The following CUL5 variants were observed in gnomAD, a reference collection of about 807,000 sequenced individuals.
CUL5 encodes the protein cullin 5, also known as cullin-5.
In CUL5, 26 loss-of-function variants were observed where a neutral mutation model predicts 108.8. That is an observed-to-expected ratio of 0.24 (90% CI 0.18 to 0.33). The LOEUF is 0.33. Ranked by LOEUF, CUL5 falls within the 10% of genes least tolerant of loss-of-function variation. The pLI is 1.00. For missense variants in CUL5, 524 were observed against 909.2 expected (o/e 0.58, Z 5.45); for synonymous variants, 334 against 298.0 (o/e 1.12, Z -1.25).
At position 108,105,208 on chromosome 11, in the gene CUL5, TTAAG is replaced by T. The variant is rs1864764349; in HGVS notation, c.*826_*829del. 1 of 152,160 alleles carries T rather than the reference TTAAG, an allele frequency of 6.6e-6. No homozygotes were observed. Among genetic ancestry groups the T allele is most frequent in the African/African-American group, 2.4e-5 (1 of 41,454 alleles). 9.4% of individuals were successfully genotyped at this position (152,160 alleles called of 1,614,324 possible). A position where few individuals can be genotyped will look rare whatever the true frequency, so the allele number is the denominator to read the frequency against. ...GAGCCAAAATAGCAAAACAAACATATTAAGTGTGTTTACTAAACATATTGTGTGT... is the reference window on the plus strand; with the variant it reads ...GAGCCAAAATAGCAAAACAAACATATTGTGTTTACTAAACATATTGTGTGT... On this transcript the variant is annotated 3_prime_UTR_variant, in exon 19 of 19. Transcript: ENST00000393094.
At chr11:108,050,235 T>C (rs936521968) in intron 4 of CUL5, among the ~76,000 whole-genome samples, 169 bp downstream of exon 4, 1 of 152,206 alleles carries the variant, frequency 6.6e-6, no homozygotes, top group African/African-American at 2.4e-5. Flanking sequence ...GTCTTTAGCT[T>C]CAATCTTCTT....
At chr11:108,061,786 A>G (rs1429479070) in intron 7 of CUL5, among the ~76,000 whole-genome samples, 1 of 152,160 alleles carries the variant, frequency 6.6e-6, no homozygotes, top group Non-Finnish European at 1.5e-5. Flanking sequence ...TAATTTGTAA[A>G]GGAAAGAGGT....
rs545289084 is a variant in CUL5 at position 108,061,093 on chromosome 11, C to G, written c.780+6138C>G. 5.9e-5 allele frequency among the ~76,000 whole-genome samples: 9 copies of G among 152,272 alleles called. No homozygotes were observed. In the South Asian group the frequency reaches 1.9e-3, roughly 32 times the overall value. On this transcript the variant is annotated intron_variant, in intron 7 of 18. Coordinates refer to ENST00000393094, the MANE Select transcript of CUL5 (RefSeq NM_003478.6). ...AGAAGTTGTGCTCATCTCAGGCAAA[C>G]ATACAGGAGTTGATGGCATATGGCA...
intron 7 of CUL5, among the ~76,000 whole-genome samples, chr11:108,064,583 G>A (rs908898996): frequency 6.6e-6 from 1 of 152,078 alleles, no homozygotes; most frequent in Admixed American, 6.6e-5. Context: ...GGTGTCAGGT[G>A]CCCGTAATCC....
intron 11 of CUL5, among the ~76,000 whole-genome samples, chr11:108,087,949 G>A (rs1033893520): frequency 6.6e-6 from 1 of 151,930 alleles, no homozygotes; most frequent in Non-Finnish European, 1.5e-5. Flanking sequence ...TGGGGGACAA[G>A]AGCAAAACTC....
In CUL5 at chr11:108,107,724, T is replaced by G. The variant is rs1305661210; in HGVS notation, c.*3340T>G. The G allele has an allele frequency of 1.3e-5, 2 of 152,614 alleles. No homozygotes were observed. The highest frequency in any genetic ancestry group is 4.8e-5 in the African/African-American group (2 of 41,466). The allele number at this position is 152,614 out of a possible 1,614,324, so 9.5% of individuals were successfully genotyped here. On this transcript the variant is annotated 3_prime_UTR_variant, in exon 19 of 19. Coordinates refer to ENST00000393094, the MANE Select transcript of CUL5 (RefSeq NM_003478.6). Reference sequence around the variant, plus strand: ...TTTGGATTTTATTTTTTAAGTTGTATAATTTATTTTCTTGCAAAATAAAAA... The same window carrying G: ...TTTGGATTTTATTTTTTAAGTTGTAGAATTTATTTTCTTGCAAAATAAAAA...
At chr11:108,103,996 G>A (rs1864731554) in intron 18 of CUL5, among the ~76,000 whole-genome samples, 194 bp from the exon 19 acceptor site, 1 of 151,988 alleles carries the variant, frequency 6.6e-6, no homozygotes, top group Admixed American at 6.6e-5. Context: ...CTTTTATGGG[G>A]CATGAGAAAA....
intron 1 of CUL5, among the ~76,000 whole-genome samples, chr11:108,021,102 T>G (rs1436373050): frequency 6.6e-6 from 1 of 152,230 alleles, no homozygotes; most frequent in Non-Finnish European, 1.5e-5. Context: ...GACTATACCA[T>G]TTAGCCTAAG....
chr11:108,103,812 T>TCC (rs1864727018), intron 18 of CUL5, among the ~76,000 whole-genome samples: 1 of 152,186 alleles, frequency 6.6e-6, no homozygotes, highest in African/African-American at 2.4e-5. Flanking sequence ...ATAGTCAGAT[T>TCC]TTTTTTAAAT....
chr11:108,009,970 T>G (rs1862023128), intron 1 of CUL5, among the ~76,000 whole-genome samples: 2 of 152,208 alleles, frequency 1.3e-5, no homozygotes, highest in African/African-American at 4.8e-5. Flanking sequence ...CCCCACCCAG[T>G]TACAGGACAC....
chr11:108,060,162 G>A (rs1863498653), intron 7 of CUL5, among the ~76,000 whole-genome samples: 1 of 151,886 alleles, frequency 6.6e-6, no homozygotes, highest in African/African-American at 2.4e-5. Flanking sequence ...TTTCAGGCAT[G>A]GTATCCTCTC....
chr11:108,095,070 G>C, intron 15 of CUL5, 83 bp downstream of exon 15: 3 of 1,204,534 alleles, frequency 2.5e-6, no homozygotes, highest in Non-Finnish European at 3.5e-6. Context: ...AAACAAAATA[G>C]ATTTTTGCCT....
intron 7 of CUL5, among the ~76,000 whole-genome samples, chr11:108,064,929 C>A (rs1485040292): frequency 6.6e-6 from 1 of 151,910 alleles, no homozygotes; most frequent in African/African-American, 2.4e-5. Context: ...GATATTAGTT[C>A]TACTTGAAAT....
chr11:108,021,180 A>G (rs1018041183), intron 1 of CUL5, among the ~76,000 whole-genome samples: 8 of 152,186 alleles, frequency 5.3e-5, no homozygotes, highest in Non-Finnish European at 1.2e-4. Context: ...ACAACGATGA[A>G]ATTGCTTAAC....
Position 108,106,754 on chromosome 11 carries a change from T to C in CUL5, c.*2370T>C, listed in dbSNP as rs908225889. On this transcript the variant is annotated 3_prime_UTR_variant, in exon 19 of 19. Coordinates refer to ENST00000393094, the MANE Select transcript of CUL5 (RefSeq NM_003478.6). ...GTTGGCATCCTTTATTCAGGTCTCT[T>C]CTCTCCAGCGTACACTTAAAATTGG... 1 of 150,504 alleles carries C rather than the reference T, an allele frequency of 6.6e-6. No homozygotes were observed. The highest frequency in any genetic ancestry group is 2.5e-5 in the African/African-American group (1 of 40,714). The allele number at this position is 150,504 out of a possible 1,614,324, so 9.3% of individuals were successfully genotyped here. A position where few individuals can be genotyped will look rare whatever the true frequency, so the allele number is the denominator to read the frequency against.
Position 108,057,632 on chromosome 11 carries a change from C to G in CUL5, c.780+2677C>G, listed in dbSNP as rs1863419905. ...ATTCTTCAAGGTGTCAAGACTGTAA[C>G]AGACTGAAGGACAAAGGAACTGCCA... On this transcript the variant is annotated intron_variant, in intron 7 of 18. Coordinates refer to ENST00000393094, the MANE Select transcript of CUL5 (RefSeq NM_003478.6). 6.6e-5 allele frequency among the ~76,000 whole-genome samples: 10 copies of G among 152,232 alleles called. No individual in the cohort carries two copies. In the South Asian group the frequency reaches 1.9e-3, roughly 28 times the overall value.
intron 8 of CUL5, among the ~76,000 whole-genome samples, chr11:108,071,269 C>G (rs1248119454): frequency 1.3e-5 from 2 of 151,932 alleles, no homozygotes; most frequent in Non-Finnish European, 2.9e-5. Context: ...AATGACTCAC[C>G]TTTTCTTTTG....
At chr11:108,010,024 C>T (rs977463757) in intron 1 of CUL5, among the ~76,000 whole-genome samples, 2 of 152,218 alleles carry the variant, frequency 1.3e-5, no homozygotes, top group African/African-American at 4.8e-5. Context: ...TTTTAGGGCG[C>T]AGGAAAGTTA....
chr11:108,011,383 C>G (rs1591266883), intron 1 of CUL5, among the ~76,000 whole-genome samples: 1 of 152,188 alleles, frequency 6.6e-6, no homozygotes, highest in East Asian at 1.9e-4. Context: ...TCTACATCCA[C>G]AGCACAGACC....
Sources: allele counts gnomAD v4.1 joint callset (sites outside exome capture counted in the v4.1 genomes callset), GRCh38; gene constraint gnomAD v4.1.1; transcripts MANE v1.5; gene names NCBI Gene and HGNC (gene_info 2026-07-23, HGNC 2026-07-21).